Variants in EIF5B observed in about 807,000 individuals in gnomAD.
EIF5B encodes the protein eIF-5B.
EIF5B carries 47 observed loss-of-function variants against 147.5 expected under a neutral mutation model. The observed-to-expected ratio is 0.32, with a 90% CI of 0.25 to 0.41. The LOEUF (loss-of-function observed/expected upper bound fraction) is 0.41. EIF5B is among the 10% of genes least tolerant of loss of function. EIF5B has a pLI of 1.00. For synonymous variants in EIF5B, 455 were observed against 456.2 expected (o/e 1.00, Z 0.03); for missense variants, 1,064 against 1,413.2 (o/e 0.75, Z 3.96).
chr2:99,343,983 A>T (rs1270809848), intron 1 of EIF5B, among the ~76,000 whole-genome samples: 1 of 150,846 alleles, frequency 6.6e-6, no homozygotes. Flanking sequence ...CAGTGGCGCA[A>T]TCTCAGCTCA....
rs1463999500 is a variant in EIF5B, at chr2:99,361,486, A to G, written c.585A>G (p.Gln195=). 5 of 1,614,010 alleles carry G rather than the reference A, an allele frequency of 3.1e-6. No homozygotes were observed. The highest frequency in any genetic ancestry group is 1.3e-5 in the African/African-American group (1 of 75,016). ...ESGDESDEFL[Q]SRKGQKKNQK... Reference sequence around the variant, plus strand: ...GTGATGAATCAGATGAATTTTTGCAATCTAGAAAAGGACAGAAAAAAAATC... The same window carrying G: ...GTGATGAATCAGATGAATTTTTGCAGTCTAGAAAAGGACAGAAAAAAAATC... Residue 195 remains glutamine (Q), a synonymous_variant, in exon 4 of 24, where the codon CAA becomes CAG. Transcript: ENST00000289371.
chr2:99,350,833 G>A (rs1673937779), intron 1 of EIF5B, among the ~76,000 whole-genome samples: 1 of 152,144 alleles, frequency 6.6e-6, no homozygotes, highest in South Asian at 2.1e-4. Flanking sequence ...TAGTTTCATA[G>A]TTTTGGATTT....
chr2:99,347,953 T>TAG (rs34092826), intron 1 of EIF5B, among the ~76,000 whole-genome samples: 66,220 of 151,782 alleles, frequency 0.44, 14,700 homozygotes, highest in Admixed American at 0.57. Context: ...CAGAAGTTGC[T>TAG]AGAGAATTTT....
intron 8 of EIF5B, among the ~76,000 whole-genome samples, chr2:99,370,593 A>C (rs1024716182): frequency 1.3e-5 from 2 of 152,192 alleles, no homozygotes; most frequent in African/African-American, 4.8e-5. Flanking sequence ...TTAGCACCAG[A>C]AAGAATTGCT....
In EIF5B at chr2:99,394,308, C is replaced by A; in HGVS notation, c.2922C>A (p.Ile974=). The A allele has an allele frequency of 6.2e-7, 1 of 1,613,204 alleles. No homozygotes were observed. The highest frequency in any genetic ancestry group is 8.5e-7 in the Non-Finnish European group (1 of 1,179,802). ...AGTTAAAGCAGACACTAAATGCTAT[C>A]AAATTAGAAGAAAAAGGAGTCTATG... ...IHELKQTLNA[I]KLEEKGVYVQ... Residue 974 remains isoleucine (I), a synonymous_variant, in exon 19 of 24, where the codon ATC becomes ATA. Transcript: ENST00000289371.
At chr2:99,352,569 T>C (rs1673994033) in intron 1 of EIF5B, among the ~76,000 whole-genome samples, 1 of 151,046 alleles carries the variant, frequency 6.6e-6, no homozygotes, top group African/African-American at 2.4e-5. Flanking sequence ...TTGCTCAGGC[T>C]GGAGCACAGT....
Position 99,390,439 on chromosome 2 carries a change from T to TA in EIF5B, c.2586+38_2586+39insA, listed in dbSNP as rs770818269. The stretch of plus-strand genomic sequence containing the variant: ...TTTTCAGTTTATTGTTTTTTTTTTT[T>TA]TTAAAAATAGCAAGTTCCTTGAGTG... On this transcript the variant is annotated intron_variant, in intron 16 of 23. Coordinates refer to ENST00000289371, the MANE Select transcript of EIF5B (RefSeq NM_015904.4). The TA allele has an allele frequency of 1.2e-5, 19 of 1,572,900 alleles. No homozygotes were observed. In the African/African-American group the frequency reaches 2.6e-4, roughly 22 times the overall value.
chr2:99,369,757 A>G (rs1427806653), intron 8 of EIF5B, among the ~76,000 whole-genome samples: 1 of 152,178 alleles, frequency 6.6e-6, no homozygotes, highest in East Asian at 1.9e-4. Flanking sequence ...CAGATGGATC[A>G]CGAGATCAGA....
At chr2:99,341,333 G>T (rs549299423) in intron 1 of EIF5B, among the ~76,000 whole-genome samples, 2 of 152,302 alleles carry the variant, frequency 1.3e-5, no homozygotes, top group African/African-American at 4.8e-5. Context: ...TTCCTATCCT[G>T]ACGCTTTAGG....
chr2:99,378,961 G>T, intron 10 of EIF5B, 58 bp from the exon 11 acceptor site: 1 of 1,326,246 alleles, frequency 7.5e-7, no homozygotes, highest in Non-Finnish European at 1.0e-6. Flanking sequence ...AGAAAATAAG[G>T]ATAGTGAGGA....
rs1037125759 is a variant in EIF5B, at chr2:99,355,778, A to G, written c.36-4458A>G. On this transcript the variant is annotated intron_variant, in intron 1 of 23. Transcript: ENST00000289371. ...CAGGCATGTGCCACCACGTCCAGCT[A>G]ATTTTTGTATTTTTAGTAGAGACAG... is the stretch of plus-strand genomic sequence containing the variant. Among the ~76,000 whole-genome samples, 2 of 151,862 alleles carry G rather than the reference A, an allele frequency of 1.3e-5. 1 individual carries two copies. The highest frequency in any genetic ancestry group is 4.2e-4 in the South Asian group (2 of 4,802).
intron 1 of EIF5B, among the ~76,000 whole-genome samples, chr2:99,342,957 T>TTTC: frequency 6.6e-6 from 1 of 151,612 alleles, no homozygotes; most frequent in African/African-American, 2.4e-5. Flanking sequence ...TCTTTCTTTC[T>TTTC]TTCTTTCTTT....
At position 99,371,684 on chromosome 2, in the gene EIF5B, A is replaced by T. The variant is rs369366098; in HGVS notation, c.1506A>T (p.Gly502=). Residue 502 remains glycine, a synonymous_variant, in exon 9 of 24, where the codon GGA becomes GGT. Coordinates refer to ENST00000289371, the MANE Select transcript of EIF5B (RefSeq NM_015904.4). ...PEEEEDTEDA[G]LDDWEAMASD... ...AAGAAGAAGATACTGAGGATGCTGG[A>T]TTGGATGATTGGGAAGCTATGGCCA... is the stretch of plus-strand genomic sequence containing the variant. 1.2e-6 allele frequency: 2 copies of T among 1,613,168 alleles called. No homozygotes were observed. Among genetic ancestry groups the T allele is most frequent in the African/African-American group, 2.7e-5 (2 of 74,900 alleles).
intron 9 of EIF5B, among the ~76,000 whole-genome samples, chr2:99,375,541 C>T (rs1674546307): frequency 6.6e-6 from 1 of 152,176 alleles, no homozygotes; most frequent in Admixed American, 6.5e-5. Flanking sequence ...TTTGGTAGGT[C>T]TGGACTCCCA....
At chr2:99,342,259 C>G (rs1291515561) in intron 1 of EIF5B, among the ~76,000 whole-genome samples, 1 of 151,656 alleles carries the variant, frequency 6.6e-6, no homozygotes, top group Non-Finnish European at 1.5e-5. Context: ...GTAATACTTG[C>G]CAAGGTAAAT....
intron 9 of EIF5B, among the ~76,000 whole-genome samples, chr2:99,375,476 A>C (rs990677416): frequency 1.3e-5 from 2 of 152,202 alleles, no homozygotes; most frequent in Non-Finnish European, 2.9e-5. Context: ...ATTGTACCCC[A>C]CAGTAAGGGT....
Position 99,337,594 on chromosome 2 carries a change from A to G in EIF5B, c.35+5A>G. The G allele has an allele frequency of 6.2e-7, 1 of 1,612,526 alleles. No homozygotes were observed. The highest frequency in any genetic ancestry group is 2.2e-5 in the East Asian group (1 of 44,824). ...GAAAAACAAGAGCGAAGACAGGTAG[A>G]TAGGGGTTGGGTCCGTACGGCGGCG... is the stretch of plus-strand genomic sequence containing the variant. On this transcript the variant is annotated splice_donor_5th_base_variant and intron_variant, in intron 1 of 23. Transcript: ENST00000289371.
At chr2:99,383,982 G>A (rs1396464821) in intron 14 of EIF5B, among the ~76,000 whole-genome samples, 3 of 151,988 alleles carry the variant, frequency 2.0e-5, no homozygotes, top group Non-Finnish European at 2.9e-5. Flanking sequence ...GGCCGAGGCG[G>A]GCGGATCACG....
At position 99,371,653 on chromosome 2, in the gene EIF5B, CAGA is replaced by C; in HGVS notation, c.1488_1490del (p.Glu496del). 6,540 of 1,607,192 alleles carry C rather than the reference CAGA, an allele frequency of 4.1e-3. 23 individuals are homozygous for C. Among genetic ancestry groups the C allele is most frequent in the Non-Finnish European group, 5.1e-3 (5,963 of 1,177,182 alleles). On this transcript the variant is annotated splice_acceptor_variant and coding_sequence_variant, in exon 9 of 24. Transcript: ENST00000289371. LOFTEE classifies it high-confidence loss of function. ...TGTCTTAAATGCAAATTTTTACTTA[CAGA>C]AGAAGAAGAAGATACTGAGGATGCT...
Sources: allele counts gnomAD v4.1 joint callset (sites outside exome capture counted in the v4.1 genomes callset), GRCh38; gene constraint gnomAD v4.1.1; transcripts MANE v1.5; gene names NCBI Gene and HGNC (gene_info 2026-07-23, HGNC 2026-07-21).